Variants in PCBP2 observed in about 807,000 individuals in gnomAD.
PCBP2 encodes the protein poly(rC) binding protein 2, also known as poly(rC)-binding protein 2.
Under a neutral mutation model 50.1 loss-of-function variants are expected in PCBP2, and 4 were observed. The ratio of observed to expected loss-of-function variants is 0.08; its 90% CI spans 0.04 to 0.18. The LOEUF (loss-of-function observed/expected upper bound fraction) is 0.18, where lower values mean the gene tolerates loss of function less well. Ranked by LOEUF, PCBP2 falls within the 10% of genes least tolerant of loss-of-function variation. The probability of loss-of-function intolerance (pLI) is 1.00; values close to 1 mark genes in which losing one functional copy is unlikely to be tolerated. For missense variants in PCBP2, 161 were observed against 474.3 expected, an observed-to-expected ratio of 0.34 and a Z score of 6.14; for synonymous variants, 179 against 168.0, an observed-to-expected ratio of 1.07 and a Z score of -0.51.
At chr12:53,474,571 T>G (rs1331768729) in intron 14 of PCBP2, among the ~76,000 whole-genome samples, 1 of 152,252 alleles carries the variant, frequency 6.6e-6, no homozygotes, top group Admixed American at 6.5e-5. Context: ...CTTCAACATC[T>G]GGGTTGGGTC....
chr12:53,474,172 G>A (rs936392786), intron 14 of PCBP2, among the ~76,000 whole-genome samples: 1 of 152,130 alleles, frequency 6.6e-6, no homozygotes, highest in Non-Finnish European at 1.5e-5. Context: ...CTTCTGAAAG[G>A]TCCACATTAG....
chr12:53,471,998 G>A (rs576257092), intron 14 of PCBP2, among the ~76,000 whole-genome samples, 191 bp downstream of exon 14: 24 of 116,606 alleles, frequency 2.1e-4, no homozygotes, highest in East Asian at 6.3e-4. Flanking sequence ...GTTTTCAAGG[G>A]GTTGGTGGGG....
chr12:53,456,919 T>C (rs1422918134), intron 5 of PCBP2, among the ~76,000 whole-genome samples: 4 of 139,684 alleles, frequency 2.9e-5, no homozygotes, highest in Non-Finnish European at 4.8e-5. Flanking sequence ...AAATCTTATC[T>C]TTGCCAAGAT....
rs780961947 is a variant in PCBP2 at position 53,455,343 on chromosome 12, G to T, written c.70-4G>T. 5 of 1,613,534 alleles carry T rather than the reference G, an allele frequency of 3.1e-6. No individual in the cohort carries two copies. Among genetic ancestry groups the T allele is most frequent in the Middle Eastern group, 1.7e-4 (1 of 6,058 alleles). On this transcript the variant is annotated splice_region_variant and splice_polypyrimidine_tract_variant and intron_variant, in intron 2 of 14. Transcript: ENST00000546463. Reference sequence around the variant, plus strand: ...CTTACTGACGTTAGTTTTCTCCATTGCAGGAAGTTGGCAGTATCATCGGAA... The same window carrying T: ...CTTACTGACGTTAGTTTTCTCCATTTCAGGAAGTTGGCAGTATCATCGGAA...
At chr12:53,464,574 G>A in intron 8 of PCBP2, 186 bp from the exon 9 acceptor site, 1 of 706,972 alleles carries the variant, frequency 1.4e-6, no homozygotes, top group Non-Finnish European at 2.3e-6. Context: ...ATTGTGCAGT[G>A]TGAAATCTGC....
chr12:53,462,694 G>A, intron 8 of PCBP2, 127 bp downstream of exon 8: 2 of 642,382 alleles, frequency 3.1e-6, no homozygotes, highest in Admixed American at 6.7e-5. Flanking sequence ...AGTTTGACCG[G>A]CTTTTAGTTT....
intron 13 of PCBP2, among the ~76,000 whole-genome samples, chr12:53,470,158 A>G (rs544900107): frequency 6.6e-6 from 1 of 151,570 alleles, no homozygotes; most frequent in East Asian, 1.9e-4. Context: ...GGCTGAGGCA[A>G]GTGGGTCACG....
chr12:53,455,002 A>G (rs1057174890), intron 2 of PCBP2, 133 bp downstream of exon 2: 11 of 777,550 alleles, frequency 1.4e-5, no homozygotes, highest in Non-Finnish European at 2.5e-5. Flanking sequence ...CTAATGGAGT[A>G]GAAGTGAGTG....
chr12:53,455,447 C>G lies in PCBP2; in HGVS notation c.94-14C>G. ...AGTAGCAGTTGGAGCTCATGCTTGA[C>G]TTTTCCTTTACAGAAAGGAGAATCA... On this transcript the variant is annotated splice_polypyrimidine_tract_variant and intron_variant, in intron 3 of 14. Coordinates refer to ENST00000546463, the MANE Select transcript of PCBP2 (RefSeq NM_031989.5). 1.9e-6 allele frequency: 3 copies of G among 1,614,064 alleles called. No individual in the cohort carries two copies. The highest frequency in any genetic ancestry group is 2.5e-6 in the Non-Finnish European group (3 of 1,179,978).
At position 53,480,971 on chromosome 12, in the gene PCBP2, C is replaced by G. The variant is rs1259680353; in HGVS notation, c.*1529C>G. On this transcript the variant is annotated 3_prime_UTR_variant, in exon 15 of 15. Transcript: ENST00000546463. ...GGAAGGGGCTTGCCCTTAGCCACAG[C>G]TCTACGGCTGTGCCTCATTCATTTC... The G allele has an allele frequency of 1.1e-5, 2 of 181,352 alleles. No homozygotes were observed. The highest frequency in any genetic ancestry group is 1.4e-4 in the East Asian group (1 of 7,090). 11.2% of individuals were successfully genotyped at this position (181,352 alleles called of 1,614,324 possible).
chr12:53,456,016 A>T lies in PCBP2; in HGVS notation c.243+15A>T. On this transcript the variant is annotated intron_variant, in intron 5 of 14. Transcript: ENST00000546463. The stretch of plus-strand genomic sequence containing the variant: ...AACTGGAAGAGGTTTGTTGTCTCCC[A>T]CTCCCTCATTCTTCATTTTTAAGTG... The T allele has an allele frequency of 7.0e-7, 1 of 1,421,590 alleles. No homozygotes were observed. The highest frequency in any genetic ancestry group is 9.9e-7 in the Non-Finnish European group (1 of 1,005,556). The allele number at this position is 1,421,590 out of a possible 1,614,324, so 88.1% of individuals were successfully genotyped here.
intron 14 of PCBP2, chr12:53,475,481 C>T (rs1942519795): frequency 3.8e-6 from 1 of 266,032 alleles, no homozygotes; most frequent in Non-Finnish European, 7.4e-6. Context: ...TTCTTTGTAG[C>T]TTTATTCTGC....
At chr12:53,466,899 C>T (rs567026566) in intron 10 of PCBP2, among the ~76,000 whole-genome samples, 51 of 152,052 alleles carry the variant, frequency 3.4e-4, no homozygotes, top group Non-Finnish European at 4.6e-4. Flanking sequence ...CTTGTCCCTG[C>T]GGCAACTGTT....
chr12:53,478,605 A>ACT, intron 14 of PCBP2, among the ~76,000 whole-genome samples: 1 of 152,160 alleles, frequency 6.6e-6, no homozygotes. Context: ...GGAGTTTAAG[A>ACT]CCTGCCTGGG....
chr12:53,476,381 C>G (rs1592688813), intron 14 of PCBP2, among the ~76,000 whole-genome samples: 1 of 152,150 alleles, frequency 6.6e-6, no homozygotes, highest in Non-Finnish European at 1.5e-5. Flanking sequence ...AGTGACTAGC[C>G]AGGACTAACA....
At chr12:53,463,638 G>T (rs2137058565) in intron 8 of PCBP2, among the ~76,000 whole-genome samples, 1 of 152,298 alleles carries the variant, frequency 6.6e-6, no homozygotes, top group Admixed American at 6.5e-5. Context: ...ATGGATATTT[G>T]TTTCTATGGG....
intron 14 of PCBP2, among the ~76,000 whole-genome samples, chr12:53,478,133 A>G (rs1942764522): frequency 6.6e-6 from 1 of 152,224 alleles, no homozygotes; most frequent in African/African-American, 2.4e-5. Context: ...ATGGCTTGAC[A>G]AGATCTAGGA....
intron 9 of PCBP2, 60 bp from the exon 10 acceptor site, chr12:53,465,872 C>A: frequency 2.2e-6 from 3 of 1,356,784 alleles, no homozygotes; most frequent in Non-Finnish European, 2.1e-6. Flanking sequence ...GTCTTTTTCC[C>A]CCCACTGGGT....
chr12:53,468,123 A>G (rs760433936), intron 12 of PCBP2: 2 of 369,818 alleles, frequency 5.4e-6, no homozygotes, highest in Non-Finnish European at 9.7e-6. Context: ...AAAGATGGGT[A>G]CGGGTATTTG....
Sources: allele counts gnomAD v4.1 joint callset (sites outside exome capture counted in the v4.1 genomes callset), GRCh38; gene constraint gnomAD v4.1.1; transcripts MANE v1.5; gene names NCBI Gene and HGNC (gene_info 2026-07-23, HGNC 2026-07-21).